FOXS1: variants seen among roughly 807,000 people sequenced by gnomAD.
The protein encoded by FOXS1 is forkhead box protein S1.
Under a neutral mutation model 13.0 loss-of-function variants are expected in FOXS1, and 7 were observed. The ratio of observed to expected loss-of-function variants is 0.54; its 90% CI spans 0.31 to 1.01. FOXS1 has a LOEUF of 1.01. Among genes scored for constraint, FOXS1 ranks in the 50% least tolerant of loss-of-function variants. The pLI is 0.06. For synonymous variants in FOXS1, 161 were observed against 189.3 expected (o/e 0.85, Z 1.23); for missense variants, 414 against 464.1 (o/e 0.89, Z 0.99).
chr20:31,845,569 A>ACCTGCTGGGT lies in FOXS1; in HGVS notation c.-37_-28dup. 6.2e-7 allele frequency: 1 copy of ACCTGCTGGGT among 1,605,868 alleles called. No individual in the cohort carries two copies. Among genetic ancestry groups the ACCTGCTGGGT allele is most frequent in the Non-Finnish European group, 8.5e-7 (1 of 1,175,326 alleles). ...CTGGCCGGGCTGCCAGGCTGCTGGG[A>ACCTGCTGGGT]CCTGCTGGGTCAGGCTCAGCTTCCA... is the stretch of plus-strand genomic sequence containing the variant. On this transcript the variant is annotated 5_prime_UTR_variant, in exon 1 of 1. Transcript: ENST00000375978.
At position 31,845,586 on chromosome 20, in the gene FOXS1, C is replaced by T. The variant is rs1467258335; in HGVS notation, c.-44G>A. ...CTGCTGGGACCTGCTGGGTCAGGCT[C>T]AGCTTCCAGGGCTGGCGTCCGGAAT... On this transcript the variant is annotated 5_prime_UTR_variant, in exon 1 of 1. Transcript: ENST00000375978. 1.9e-6 allele frequency: 3 copies of T among 1,598,638 alleles called. No homozygotes were observed. Among genetic ancestry groups the T allele is most frequent in the Non-Finnish European group, 2.6e-6 (3 of 1,171,528 alleles).
rs1284537456 is a variant in FOXS1, at chr20:31,844,411, C to T, written c.*139G>A. ...CGGAGGCCCCAGGGGCCTGGCTGAG[C>T]ACCGCTTCAATCCTGGCTTTCTGTG... On this transcript the variant is annotated 3_prime_UTR_variant, in exon 1 of 1. Transcript: ENST00000375978. 2.7e-6 allele frequency: 3 copies of T among 1,102,854 alleles called. No homozygotes were observed. Among genetic ancestry groups the T allele is most frequent in the East Asian group, 2.4e-5 (1 of 41,778 alleles). The allele number at this position is 1,102,854 out of a possible 1,614,324, so 68.3% of individuals were successfully genotyped here.
Position 31,844,381 on chromosome 20 carries a change from T to C in FOXS1, c.*169A>G. ...GCCCTGCTTCCCCTCACCCCCAAGT[T>C]TGTCCGGAGGCCCCAGGGGCCTGGC... On this transcript the variant is annotated 3_prime_UTR_variant, in exon 1 of 1. Transcript: ENST00000375978. 3 of 767,324 alleles carry C rather than the reference T, an allele frequency of 3.9e-6. No individual in the cohort carries two copies. The highest frequency in any genetic ancestry group is 6.4e-6 in the Non-Finnish European group (3 of 470,870). The allele number at this position is 767,324 out of a possible 1,614,324, so 47.5% of individuals were successfully genotyped here.
Position 31,845,312 on chromosome 20 carries a change from G to A in FOXS1, c.231C>T (p.Val77=), listed in dbSNP as rs764333056. 1 of 1,614,250 alleles carries A rather than the reference G, an allele frequency of 6.2e-7. No individual in the cohort carries two copies. Among genetic ancestry groups the A allele is most frequent in the South Asian group, 1.1e-5 (1 of 91,092 alleles). The stretch of plus-strand genomic sequence containing the variant: ...GCTTGCGGTCATCGCGGGGCACCTT[G>A]ACAAAGCACTCGTTGAGTGACAGGT... The part of the protein sequence containing the change: ...RHNLSLNECF[V]KVPRDDRKPG... The change falls in exon 1 of 1, where the codon GTC becomes GTT. Residue 77 remains valine, a synonymous_variant. Transcript: ENST00000375978.
Position 31,844,718 on chromosome 20 carries a change from G to A in FOXS1, c.825C>T (p.Ser275=), listed in dbSNP as rs376373877. Residue 275 remains serine, a synonymous_variant, in exon 1 of 1, where the codon TCC becomes TCT. Transcript: ENST00000375978. ...AGCCTGGAGGGGTGGGTGGTGCAGG[G>A]GAGGGGGCTGCTGAGGCCAAGAGGT... ...LEHLLASAAP[S]PAPPTPPGSL... 3 of 1,613,398 alleles carry A rather than the reference G, an allele frequency of 1.9e-6. No homozygotes were observed. Among genetic ancestry groups the A allele is most frequent in the Non-Finnish European group, 8.5e-7 (1 of 1,179,606 alleles).
At position 31,845,039 on chromosome 20, in the gene FOXS1, AC is replaced by A; in HGVS notation, c.503del (p.Gly168ValfsTer88). The A allele has an allele frequency of 6.2e-7, 1 of 1,612,670 alleles. No individual in the cohort carries two copies. Among genetic ancestry groups the A allele is most frequent in the Non-Finnish European group, 8.5e-7 (1 of 1,179,832 alleles). ...TACTGGCTGGCATGGCCCCCACCAG[AC>A]CCCCAAAGCTTAGGCCCTTGGGATC... Reference protein sequence around the residue: ...LPDPKGLSFGGLVGAMPASMC... With the variant: ...LPDPKGLSFGXLVGAMPASMC... On this transcript the variant is annotated frameshift_variant, in exon 1 of 1. Coordinates refer to ENST00000375978, the MANE Select transcript of FOXS1 (RefSeq NM_004118.4). LOFTEE classifies it low-confidence loss of function (END_TRUNC).
In FOXS1 at chr20:31,845,438, C is replaced by T. The variant is rs766343792; in HGVS notation, c.105G>A (p.Pro35=). 1.1e-5 allele frequency: 17 copies of T among 1,614,086 alleles called. No individual in the cohort carries two copies. Among genetic ancestry groups the T allele is most frequent in the African/African-American group, 5.3e-5 (4 of 74,942 alleles). The part of the protein sequence containing the change: ...ALIAMAIQSS[P]GQRATLSGIY... Reference sequence around the variant, plus strand: ...TGCCACTGAGGGTGGCCCGCTGCCCCGGTGAGCTCTGGATGGCCATAGCAA... The same window carrying T: ...TGCCACTGAGGGTGGCCCGCTGCCCTGGTGAGCTCTGGATGGCCATAGCAA... Residue 35 remains proline (P), a synonymous_variant, in exon 1 of 1, where the codon CCG becomes CCA. Coordinates refer to ENST00000375978, the MANE Select transcript of FOXS1 (RefSeq NM_004118.4).
In FOXS1 at chr20:31,844,504, C is replaced by T; in HGVS notation, c.*46G>A. 6.2e-7 allele frequency: 1 copy of T among 1,600,710 alleles called. No homozygotes were observed. The highest frequency in any genetic ancestry group is 1.1e-5 in the South Asian group (1 of 89,094). ...TTCAGGTCCTAGAGCCAGGCTCAGC[C>T]CGGAGGGTGAGGGACCTGCAGGGAC... On this transcript the variant is annotated 3_prime_UTR_variant, in exon 1 of 1. Coordinates refer to ENST00000375978, the MANE Select transcript of FOXS1 (RefSeq NM_004118.4).
chr20:31,844,755 G>T lies in FOXS1; in HGVS notation c.788C>A (p.Pro263Gln). 2 of 1,613,990 alleles carry T rather than the reference G, an allele frequency of 1.2e-6. No individual in the cohort carries two copies. The highest frequency in any genetic ancestry group is 2.2e-5 in the South Asian group (2 of 91,070). The change falls in exon 1 of 1, where the codon CCA becomes CAA. Residue 263 changes from proline to glutamine, a missense_variant. Physicochemically the swap from Pro to Gln is moderately conservative, Grantham distance 76. Coordinates refer to ENST00000375978, the MANE Select transcript of FOXS1 (RefSeq NM_004118.4). The part of the protein sequence containing the change: ...QALNFCMGAD[P>Q]GLEHLLASAA... ...TGAGGCCAAGAGGTGCTCAAGGCCTGGGTCAGCCCCCATGCAAAAATTCAG... is the reference window on the plus strand; with the variant it reads ...TGAGGCCAAGAGGTGCTCAAGGCCTTGGTCAGCCCCCATGCAAAAATTCAG...
Position 31,844,856 on chromosome 20 carries a change from ACT to A in FOXS1, c.685_686del (p.Ser229PhefsTer2), listed in dbSNP as rs2062363631. The A allele has an allele frequency of 1.2e-6, 2 of 1,613,766 alleles. No individual in the cohort carries two copies. Among genetic ancestry groups the A allele is most frequent in the Non-Finnish European group, 1.7e-6 (2 of 1,179,924 alleles). On this transcript the variant is annotated frameshift_variant, in exon 1 of 1. Transcript: ENST00000375978. LOFTEE classifies it high-confidence loss of function. ...GFPAGFSEAE[S>X]FNKAPTPVLS... ...AGACGGGCGTAGGGGCCTTATTAAA[ACT>A]CTCAGCCTCTGAGAAGCCGGCAGGA...
Position 31,845,272 on chromosome 20 carries a change from A to G in FOXS1, c.271T>C (p.Tyr91His), listed in dbSNP as rs749176078. The G allele has an allele frequency of 6.2e-7, 1 of 1,614,188 alleles. No homozygotes were observed. Among genetic ancestry groups the G allele is most frequent in the South Asian group, 1.1e-5 (1 of 91,092 alleles). ...RDDRKPGKGS[Y>H]WTLDPDCHDM... Reference sequence around the variant, plus strand: ...TGGCAGTCAGGGTCCAGCGTCCAGTAGCTGCCCTTGCCTGGCTTGCGGTCA... The same window carrying G: ...TGGCAGTCAGGGTCCAGCGTCCAGTGGCTGCCCTTGCCTGGCTTGCGGTCA... Residue 91 changes from tyrosine (Y) to histidine (H), a missense_variant, in exon 1 of 1, where the codon TAC (tyrosine) becomes CAC (histidine). Physicochemically the swap from Tyr to His is moderately conservative, Grantham distance 83. Transcript: ENST00000375978.
chr20:31,845,558 A>G lies in FOXS1; in HGVS notation c.-16T>C. ...GCTGCTGCATGCTGGCCGGGCTGCC[A>G]GGCTGCTGGGACCTGCTGGGTCAGG... On this transcript the variant is annotated 5_prime_UTR_variant, in exon 1 of 1. Coordinates refer to ENST00000375978, the MANE Select transcript of FOXS1 (RefSeq NM_004118.4). The G allele has an allele frequency of 1.2e-6, 2 of 1,608,510 alleles. No homozygotes were observed. The highest frequency in any genetic ancestry group is 1.1e-5 in the South Asian group (1 of 90,970).
chr20:31,844,356 G>T lies in FOXS1; in HGVS notation c.*194C>A. The stretch of plus-strand genomic sequence containing the variant: ...AGAGCCACAGAGTAAATCCCAAGAG[G>T]CCCTGCTTCCCCTCACCCCCAAGTT... On this transcript the variant is annotated 3_prime_UTR_variant, in exon 1 of 1. Transcript: ENST00000375978. The T allele has an allele frequency of 1.6e-6, 1 of 633,906 alleles. No individual in the cohort carries two copies. Among genetic ancestry groups the T allele is most frequent in the Non-Finnish European group, 2.8e-6 (1 of 362,162 alleles). 39.3% of individuals were successfully genotyped at this position (633,906 alleles called of 1,614,324 possible).
Position 31,844,817 on chromosome 20 carries a change from T to C in FOXS1, c.726A>G (p.Ser242=). The C allele has an allele frequency of 1.2e-6, 2 of 1,614,212 alleles. No individual in the cohort carries two copies. The highest frequency in any genetic ancestry group is 2.7e-5 in the African/African-American group (2 of 75,068). The change falls in exon 1 of 1, where the codon TCA becomes TCG. Residue 242 remains serine, a synonymous_variant. Coordinates refer to ENST00000375978, the MANE Select transcript of FOXS1 (RefSeq NM_004118.4). Reference sequence around the variant, plus strand: ...GACACTGGTAGCTGCTCCCGATGCCTGATTCCGGGGACAAGACGGGCGTAG... The same window carrying C: ...GACACTGGTAGCTGCTCCCGATGCCCGATTCCGGGGACAAGACGGGCGTAG... ...KAPTPVLSPE[S]GIGSSYQCRL...
At position 31,844,593 on chromosome 20, in the gene FOXS1, G is replaced by T. The variant is rs769718614; in HGVS notation, c.950C>A (p.Thr317Asn). ...QGGSGYPLGL[T>N]PCLYRTPGMF... Reference sequence around the variant, plus strand: ...TCCTGGCGTCCGGTATAGGCAGGGGGTCAGCCCCAATGGGTAGCCGGAGCC... The same window carrying T: ...TCCTGGCGTCCGGTATAGGCAGGGGTTCAGCCCCAATGGGTAGCCGGAGCC... Residue 317 changes from threonine (T) to asparagine (N), a missense_variant, in exon 1 of 1, where the codon ACC (threonine) becomes AAC (asparagine). Transcript: ENST00000375978. 127 of 1,613,952 alleles carry T rather than the reference G, an allele frequency of 7.9e-5. No homozygotes were observed. Among genetic ancestry groups the T allele is most frequent in the Non-Finnish European group, 1.0e-4 (120 of 1,179,984 alleles).
chr20:31,845,443 A>G lies in FOXS1; in HGVS notation c.100T>C (p.Ser34Pro). ...CTGAGGGTGGCCCGCTGCCCCGGTG[A>G]GCTCTGGATGGCCATAGCAATAAGG... Reference protein sequence around the residue: ...IALIAMAIQSSPGQRATLSGI... With the variant: ...IALIAMAIQSPPGQRATLSGI... Residue 34 changes from serine to proline, a missense_variant, in exon 1 of 1, where the codon TCA (serine) becomes CCA (proline). Coordinates refer to ENST00000375978, the MANE Select transcript of FOXS1 (RefSeq NM_004118.4). The G allele has an allele frequency of 6.2e-7, 1 of 1,614,160 alleles. No homozygotes were observed. The highest frequency in any genetic ancestry group is 8.5e-7 in the Non-Finnish European group (1 of 1,180,012).
Position 31,845,323 on chromosome 20 carries a change from C to G in FOXS1, c.220G>C (p.Glu74Gln). 2 of 1,614,236 alleles carry G rather than the reference C, an allele frequency of 1.2e-6. No homozygotes were observed. Among genetic ancestry groups the G allele is most frequent in the Non-Finnish European group, 1.7e-6 (2 of 1,180,032 alleles). ...NSIRHNLSLN[E>Q]CFVKVPRDDR... ...TCGCGGGGCACCTTGACAAAGCACT[C>G]GTTGAGTGACAGGTTGTGGCGGATG... is the stretch of plus-strand genomic sequence containing the variant. The change falls in exon 1 of 1, where the codon GAG becomes CAG. Residue 74 changes from glutamate to glutamine, a missense_variant. Transcript: ENST00000375978.
Position 31,845,507 on chromosome 20 carries a change from G to A in FOXS1, c.36C>T (p.Pro12=), listed in dbSNP as rs772392827. Residue 12 remains proline, a synonymous_variant, in exon 1 of 1, where the codon CCC becomes CCT. Coordinates refer to ENST00000375978, the MANE Select transcript of FOXS1 (RefSeq NM_004118.4). ...QQQPLPGPGA[P]TTEPTKPPYS... is the part of the protein sequence containing the mutation. ...AGGGAGGCTTGGTTGGCTCAGTTGT[G>A]GGGGCGCCAGGCCCGGGCAGAGGCT... 5 of 1,613,976 alleles carry A rather than the reference G, an allele frequency of 3.1e-6. No homozygotes were observed. In the Admixed American group the frequency reaches 6.7e-5, roughly 22 times the overall value.
chr20:31,845,494 T>C lies in FOXS1; in HGVS notation c.49A>G (p.Thr17Ala), dbSNP rs142041083. Residue 17 changes from threonine (T) to alanine (A), a missense_variant, in exon 1 of 1, where the codon ACC (threonine) becomes GCC (alanine). Coordinates refer to ENST00000375978, the MANE Select transcript of FOXS1 (RefSeq NM_004118.4). ...PGPGAPTTEP[T>A]KPPYSYIALI... ...GCGATGTAGCTGTAGGGAGGCTTGG[T>C]TGGCTCAGTTGTGGGGGCGCCAGGC... is the stretch of plus-strand genomic sequence containing the variant. The C allele has an allele frequency of 4.6e-5, 75 of 1,614,144 alleles. No homozygotes were observed. In the African/African-American group the frequency reaches 8.3e-4, roughly 18 times the overall value.
Sources: gnomAD v4.1 joint callset for allele counts on GRCh38, gnomAD v4.1.1 for gene constraint, MANE v1.5 for transcripts, NCBI Gene and HGNC (gene_info 2026-07-23, HGNC 2026-07-21) for gene names.